Variants in ARHGAP26 observed in about 807,000 individuals in gnomAD.
ARHGAP26 encodes the protein Rho GTPase activating protein 26, also known as rho GTPase-activating protein 26.
A neutral mutation model predicts 104.8 loss-of-function variants in ARHGAP26; 38 were observed. The ratio of observed to expected loss-of-function variants is 0.36; its 90% confidence interval spans 0.28 to 0.48. ARHGAP26 has a LOEUF of 0.48. Ranked by LOEUF, ARHGAP26 falls within the 20% of genes least tolerant of loss-of-function variation. The pLI, the probability that ARHGAP26 is intolerant of heterozygous loss-of-function variation, is 0.99. For missense variants in ARHGAP26, 704 were observed against 947.9 expected (o/e 0.74, Z 3.38); for synonymous variants, 341 against 340.0 (o/e 1.00, Z -0.03).
intron 17 of ARHGAP26, among the ~76,000 whole-genome samples, chr5:143,060,212 C>G (rs1488624162): frequency 6.6e-6 from 1 of 152,190 alleles, no homozygotes; most frequent in East Asian, 1.9e-4. Context: ...AGCTTCCTTC[C>G]TAAGTTTTGG....
intron 22 of ARHGAP26, among the ~76,000 whole-genome samples, chr5:143,219,209 T>C (rs1308035447): frequency 6.6e-6 from 1 of 152,218 alleles, no homozygotes; most frequent in Non-Finnish European, 1.5e-5. Flanking sequence ...CATGCACAAA[T>C]TATTTTACCT....
At chr5:143,203,182 G>A (rs1808032467) in intron 20 of ARHGAP26, 1 of 151,948 alleles carries the variant, frequency 6.6e-6, no homozygotes, top group African/African-American at 2.4e-5. Context: ...ATCTGACAAA[G>A]GGCTAATATC....
intron 1 of ARHGAP26, chr5:142,868,137 C>T (rs1754654294): frequency 6.6e-6 from 1 of 152,250 alleles, no homozygotes; most frequent in African/African-American, 2.4e-5. Flanking sequence ...TAGTATAGTA[C>T]TCAGAGAGTG....
intron 5 of ARHGAP26, among the ~76,000 whole-genome samples, chr5:142,886,394 G>A (rs1208280913): frequency 1.3e-5 from 2 of 152,234 alleles, no homozygotes. Context: ...CACATCTTGG[G>A]ATAGGAATGT....
chr5:143,004,550 G>T (rs1777671429), intron 11 of ARHGAP26, among the ~76,000 whole-genome samples: 2 of 152,178 alleles, frequency 1.3e-5, no homozygotes, highest in South Asian at 4.1e-4. Flanking sequence ...AGAGGATGCT[G>T]GGTCAGCCTC....
chr5:142,892,876 A>T (rs1337800066), intron 5 of ARHGAP26, among the ~76,000 whole-genome samples: 1 of 152,108 alleles, frequency 6.6e-6, no homozygotes, highest in African/African-American at 2.4e-5. Context: ...TCAGTTAGCC[A>T]TAGTCATCCT....
At chr5:143,054,639 G>A in intron 15 of ARHGAP26, 113 bp downstream of exon 15, 1 of 705,270 alleles carries the variant, frequency 1.4e-6, no homozygotes, top group Non-Finnish European at 2.4e-6. Context: ...TTGAGATGTG[G>A]AAACAGCTTC....
chr5:143,054,295 A>C, intron 14 of ARHGAP26, 144 bp from the exon 15 acceptor site: 1 of 553,902 alleles, frequency 1.8e-6, no homozygotes, highest in East Asian at 2.9e-5. Flanking sequence ...CATTTTCCTA[A>C]TTTAATAGGT....
intron 1 of ARHGAP26, among the ~76,000 whole-genome samples, chr5:142,808,266 AAAAAAAAAAAT>A (rs1262461029): frequency 2.9e-5 from 4 of 138,540 alleles, no homozygotes; most frequent in African/African-American, 8.6e-5. Context: ...AAAAAAAAAA[AAAAAAAAAAAT>A]GTTGTATTTT....
At chr5:142,919,282 T>C (rs1375160346) in intron 10 of ARHGAP26, 7 of 398,390 alleles carry the variant, frequency 1.8e-5, no homozygotes, top group Admixed American at 4.4e-5. Context: ...GAAGTCGAGG[T>C]GATGCACCTA....
chr5:142,914,247 C>T (rs1326726941), intron 10 of ARHGAP26, among the ~76,000 whole-genome samples: 1 of 152,226 alleles, frequency 6.6e-6, no homozygotes, highest in Non-Finnish European at 1.5e-5. Flanking sequence ...GCTGCTGGGG[C>T]TGCTGGAGGC....
chr5:142,973,469 A>G (rs1177781763), intron 11 of ARHGAP26, among the ~76,000 whole-genome samples: 1 of 152,242 alleles, frequency 6.6e-6, no homozygotes. Context: ...TCTAGAGATG[A>G]TACTCAAAAA....
intron 1 of ARHGAP26, among the ~76,000 whole-genome samples, chr5:142,798,712 T>C (rs759967633): frequency 4.6e-5 from 7 of 152,142 alleles, no homozygotes; most frequent in Non-Finnish European, 7.4e-5. Context: ...TAAAGCTGGG[T>C]TTGTGTCTAT....
intron 18 of ARHGAP26, among the ~76,000 whole-genome samples, chr5:143,133,029 G>A (rs1257865215): frequency 4.6e-5 from 7 of 152,116 alleles, no homozygotes; most frequent in Non-Finnish European, 8.8e-5. Context: ...GTGACGACTG[G>A]TACCTAAGGG....
At position 142,867,288 on chromosome 5, in the gene ARHGAP26, GGTGTGTGTGT is replaced by G. The variant is rs70991782; in HGVS notation, c.155-6081_155-6072del. ...TTGTTTCATTCTAAGATTTGCACAG[GGTGTGTGTGT>G]GTGTGTGTGTGTGTGTGTGTGTGTG... On this transcript the variant is annotated intron_variant, in intron 1 of 22. Coordinates refer to ENST00000645722, the MANE Select transcript of ARHGAP26 (RefSeq NM_001135608.3). Among the ~76,000 whole-genome samples, 269 of 143,696 alleles carry G rather than the reference GGTGTGTGTGT, an allele frequency of 1.9e-3. 3 individuals are homozygous for G. The highest frequency in any genetic ancestry group is 5.6e-3 in the African/African-American group (221 of 39,158). 94.3% of individuals were successfully genotyped at this position (143,696 alleles called of 152,430 possible).
chr5:143,112,974 C>G (rs1241462139), intron 17 of ARHGAP26, among the ~76,000 whole-genome samples: 1 of 151,896 alleles, frequency 6.6e-6, no homozygotes, highest in Non-Finnish European at 1.5e-5. Flanking sequence ...ACACATATAC[C>G]CAGAAGTGAA....
At chr5:143,030,684 G>T (rs1433961400) in intron 12 of ARHGAP26, among the ~76,000 whole-genome samples, 2 of 152,228 alleles carry the variant, frequency 1.3e-5, no homozygotes, top group Non-Finnish European at 2.9e-5. Flanking sequence ...AAATTGAAAG[G>T]TCATTTTGAC....
intron 14 of ARHGAP26, among the ~76,000 whole-genome samples, chr5:143,049,963 G>T (rs1784768511): frequency 3.3e-5 from 5 of 152,154 alleles, no homozygotes; most frequent in Admixed American, 2.6e-4. Context: ...CTGCTCTGTA[G>T]TCTGATTTCA....
At chr5:143,041,187 G>A (rs1416238819) in intron 13 of ARHGAP26, among the ~76,000 whole-genome samples, 1 of 152,180 alleles carries the variant, frequency 6.6e-6, no homozygotes, top group South Asian at 2.1e-4. Context: ...CAGAAACACT[G>A]CAGTGGATTA....
Sources: gnomAD v4.1 joint callset for allele counts (sites outside exome capture counted in the v4.1 genomes callset) on GRCh38, gnomAD v4.1.1 for gene constraint, MANE v1.5 for transcripts, NCBI Gene and HGNC (gene_info 2026-07-23, HGNC 2026-07-21) for gene names.